Variants in TGM5 observed in about 807,000 individuals in gnomAD.
The protein encoded by TGM5 is protein-glutamine gamma-glutamyltransferase 5.
Under a neutral mutation model 77.2 loss-of-function variants are expected in TGM5, and 69 were observed. That is an observed-to-expected ratio of 0.89 (90% CI 0.74 to 1.09). TGM5 has a LOEUF of 1.09. TGM5 is among the 50% of genes least tolerant of loss of function. The pLI is 0.00. For synonymous variants in TGM5, 346 were observed against 351.8 expected, an observed-to-expected ratio of 0.98 and a Z score of 0.18; for missense variants, 842 against 896.5, an observed-to-expected ratio of 0.94 and a Z score of 0.78.
intron 6 of TGM5, among the ~76,000 whole-genome samples, chr15:43,241,808 T>C (rs1159633275): frequency 6.6e-6 from 1 of 152,050 alleles, no homozygotes; most frequent in African/African-American, 2.4e-5. Context: ...TAATTTTTTT[T>C]TTTGTATTTT....
intron 1 of TGM5, among the ~76,000 whole-genome samples, chr15:43,266,355 G>C (rs2042824599): frequency 6.6e-6 from 1 of 152,220 alleles, no homozygotes; most frequent in Non-Finnish European, 1.5e-5. Flanking sequence ...TTGGTGATGG[G>C]AAGATTAGCT....
Position 43,266,912 on chromosome 15 carries a change from C to T in TGM5, c.-63G>A, listed in dbSNP as rs574146547. The T allele has an allele frequency of 1.4e-5, 22 of 1,609,402 alleles. No homozygotes were observed. The African/African-American group carries it at 2.8e-4, about 20-fold the overall frequency. ...ACAGCTGGGCGGTCTGGAGCTTCAG[C>T]AAACTGGTGCCAGAGTGTCTACTTC... On this transcript the variant is annotated 5_prime_UTR_variant, in exon 1 of 13. Transcript: ENST00000220420.
At chr15:43,266,788 C>T in intron 1 of TGM5, 52 bp downstream of exon 1, 1 of 1,612,442 alleles carries the variant, frequency 6.2e-7, no homozygotes, top group Non-Finnish European at 8.5e-7. Context: ...CCTACAGTCT[C>T]TCTCTGTCCT....
intron 1 of TGM5, among the ~76,000 whole-genome samples, chr15:43,265,161 C>T (rs1566838665): frequency 6.6e-6 from 1 of 152,160 alleles, no homozygotes; most frequent in South Asian, 2.1e-4. Flanking sequence ...GTCATCCACA[C>T]TTGGAGATGA....
At chr15:43,234,979 G>A (rs745876894) in intron 10 of TGM5, 50 bp from the exon 11 acceptor site, 79 of 1,605,596 alleles carry the variant, frequency 4.9e-5, no homozygotes, top group South Asian at 6.6e-5. Flanking sequence ...AAAATCAGCC[G>A]TACCTGGGTT....
intron 1 of TGM5, among the ~76,000 whole-genome samples, chr15:43,264,278 C>T (rs757402566): frequency 8.6e-4 from 131 of 151,978 alleles, no homozygotes; most frequent in Non-Finnish European, 1.6e-3. Context: ...CAATTCGATC[C>T]CCAGGTATAT....
intron 1 of TGM5, among the ~76,000 whole-genome samples, chr15:43,265,952 G>A (rs1477729978): frequency 1.3e-5 from 2 of 151,638 alleles, no homozygotes; most frequent in African/African-American, 2.4e-5. Context: ...ACAATATGAT[G>A]ATACCATGGA....
In TGM5 at chr15:43,260,037, G is replaced by A. The variant is rs1232529054; in HGVS notation, c.436+15C>T. ...AGAAGAGAAAGGAGGGCACCGCCTG[G>A]GCACCCAGCCTTACCTGGGCACCAG... On this transcript the variant is annotated intron_variant, in intron 3 of 12. Transcript: ENST00000220420. The A allele has an allele frequency of 1.2e-6, 2 of 1,612,976 alleles. No homozygotes were observed. Among genetic ancestry groups the A allele is most frequent in the Non-Finnish European group, 1.7e-6 (2 of 1,180,030 alleles).
chr15:43,254,277 A>C (rs1456847157), intron 4 of TGM5, among the ~76,000 whole-genome samples: 1 of 152,048 alleles, frequency 6.6e-6, no homozygotes, highest in Admixed American at 6.6e-5. Flanking sequence ...CAGTTACGTG[A>C]TGTAGTCAAG....
At chr15:43,242,481 G>A (rs1238290426) in intron 6 of TGM5, among the ~76,000 whole-genome samples, 2 of 152,182 alleles carry the variant, frequency 1.3e-5, no homozygotes, top group African/African-American at 4.8e-5. Context: ...ATTCTAAGGG[G>A]TAAAGTGACT....
rs753167325 is a variant in TGM5 at position 43,253,641 on chromosome 15, G to T, written c.556-7C>A. On this transcript the variant is annotated splice_region_variant and splice_polypyrimidine_tract_variant and intron_variant, in intron 4 of 12. Transcript: ENST00000220420. ...CTATGATTTTGTCTTCAAACTTCGG[G>T]GGGAGAGGCAGAGAGGGAAGGCACC... 13 of 1,612,022 alleles carry T rather than the reference G, an allele frequency of 8.1e-6. No homozygotes were observed. The highest frequency in any genetic ancestry group is 1.1e-5 in the Non-Finnish European group (13 of 1,180,018).
intron 6 of TGM5, among the ~76,000 whole-genome samples, chr15:43,251,560 A>G (rs1334348300): frequency 6.6e-6 from 1 of 152,118 alleles, no homozygotes; most frequent in East Asian, 1.9e-4. Context: ...TGTGAGCGAA[A>G]ACCTTGCTTG....
chr15:43,239,600 G>T, intron 7 of TGM5: 1 of 385,104 alleles, frequency 2.6e-6, no homozygotes, highest in South Asian at 2.2e-5. Context: ...GATCACTTGA[G>T]CCTGGGAGAT....
intron 1 of TGM5, among the ~76,000 whole-genome samples, chr15:43,261,074 G>GTTTTTTTTTTTTT (rs1387299009): frequency 6.8e-5 from 5 of 73,870 alleles, no homozygotes; most frequent in Non-Finnish European, 1.4e-4. Flanking sequence ...TTTTGTGTGT[G>GTTTTTTTTTTTTT]TGTTTTTTTT....
At chr15:43,252,991 A>G (rs932273678) in intron 5 of TGM5, 55 bp from the exon 6 acceptor site, 8 of 1,589,596 alleles carry the variant, frequency 5.0e-6, no homozygotes, top group Non-Finnish European at 6.9e-6. Flanking sequence ...TCAACATGCC[A>G]TGTGTGGGCT....
rs1360525661 is a variant in TGM5 at position 43,252,736 on chromosome 15, G to A, written c.862+23C>T. On this transcript the variant is annotated intron_variant, in intron 6 of 12. Coordinates refer to ENST00000220420, the MANE Select transcript of TGM5 (RefSeq NM_201631.4). ...GAGCGGCTATACTTCTGACCTTTTT[G>A]TGGGGTCCTTTCTACCTCCTACCTG... 5.0e-6 allele frequency: 8 copies of A among 1,612,536 alleles called. No homozygotes were observed. In the Admixed American group the frequency reaches 1.0e-4, roughly 20 times the overall value.
At chr15:43,235,889 G>A in intron 9 of TGM5, 52 bp from the exon 10 acceptor site, 2 of 1,607,612 alleles carry the variant, frequency 1.2e-6, no homozygotes, top group Non-Finnish European at 1.7e-6. Context: ...GACCGGGGTA[G>A]ACTGAGGCTG....
chr15:43,266,352 T>C (rs1189568079), intron 1 of TGM5, among the ~76,000 whole-genome samples: 1 of 152,168 alleles, frequency 6.6e-6, no homozygotes. Context: ...AGGTTGGTGA[T>C]GGGAAGATTA....
chr15:43,250,244 C>A (rs2042695034), intron 6 of TGM5, among the ~76,000 whole-genome samples: 2 of 152,140 alleles, frequency 1.3e-5, no homozygotes, highest in Admixed American at 1.3e-4. Flanking sequence ...GACAAGAGGA[C>A]CCTAACTGAT....
Sources: gnomAD v4.1 joint callset for allele counts (sites outside exome capture counted in the v4.1 genomes callset) on GRCh38, gnomAD v4.1.1 for gene constraint, MANE v1.5 for transcripts, NCBI Gene and HGNC (gene_info 2026-07-23, HGNC 2026-07-21) for gene names.